AMPH: variants seen among roughly 807,000 people sequenced by gnomAD.
AMPH encodes the protein amphiphysin.
AMPH carries 49 observed loss-of-function variants against 99.1 expected under a neutral mutation model. That is an observed-to-expected ratio of 0.49 (90% CI 0.39 to 0.63). AMPH has a LOEUF of 0.63. Among genes scored for constraint, AMPH ranks in the 20% least tolerant of loss-of-function variants. The probability of loss-of-function intolerance (pLI) is 0.00; values close to 1 mark genes in which losing one functional copy is unlikely to be tolerated. For missense variants in AMPH, 759 were observed against 863.4 expected (o/e 0.88, Z 1.52); for synonymous variants, 314 against 317.3 (o/e 0.99, Z 0.11).
At chr7:38,510,831 C>T (rs1321341853) in intron 2 of AMPH, among the ~76,000 whole-genome samples, 1 of 152,160 alleles carries the variant, frequency 6.6e-6, no homozygotes, top group Non-Finnish European at 1.5e-5. Flanking sequence ...GCACCATTCT[C>T]CATGCTCTCA....
intron 1 of AMPH, among the ~76,000 whole-genome samples, chr7:38,614,477 G>A (rs561320325): frequency 5.9e-5 from 9 of 152,286 alleles, no homozygotes; most frequent in East Asian, 5.8e-4. Context: ...TATAGAACAC[G>A]CATGAGTTCT....
intron 2 of AMPH, among the ~76,000 whole-genome samples, chr7:38,505,647 A>C (rs546682132): frequency 3.2e-4 from 49 of 152,326 alleles, no homozygotes; most frequent in Non-Finnish European, 5.9e-4. Flanking sequence ...GTGTAGTAGA[A>C]AACTATTTCC....
intron 2 of AMPH, among the ~76,000 whole-genome samples, chr7:38,532,573 T>C (rs1790445618): frequency 6.6e-6 from 1 of 152,196 alleles, no homozygotes; most frequent in Non-Finnish European, 1.5e-5. Context: ...GTATTGTATA[T>C]AGTGACCAAA....
chr7:38,412,766 AAGG>A (rs1785250548), intron 17 of AMPH, among the ~76,000 whole-genome samples: 1 of 152,202 alleles, frequency 6.6e-6, no homozygotes, highest in Non-Finnish European at 1.5e-5. Context: ...AACCACATGG[AAGG>A]AGGACGCAGC....
At chr7:38,437,067 G>A (rs1261861593) in intron 11 of AMPH, among the ~76,000 whole-genome samples, 1 of 152,182 alleles carries the variant, frequency 6.6e-6, no homozygotes, top group African/African-American at 2.4e-5. Flanking sequence ...TTTTGGATTA[G>A]AAAGAAGGTA....
intron 17 of AMPH, among the ~76,000 whole-genome samples, chr7:38,398,154 C>A (rs551857456): frequency 2.7e-4 from 39 of 143,256 alleles, no homozygotes; most frequent in Non-Finnish European, 3.8e-4. Context: ...ACCATATGAT[C>A]CAGCAATCCC....
At chr7:38,542,523 A>G (rs981755845) in intron 1 of AMPH, among the ~76,000 whole-genome samples, 1 of 152,206 alleles carries the variant, frequency 6.6e-6, no homozygotes, top group Non-Finnish European at 1.5e-5. Context: ...ATCCTGCATC[A>G]GAGCTGCTGT....
At position 38,540,497 on chromosome 7, in the gene AMPH, A is replaced by G. The variant is rs568810829; in HGVS notation, c.70-5486T>C. Among the ~76,000 whole-genome samples the G allele has an allele frequency of 9.2e-5, 14 of 152,052 alleles. No individual in the cohort carries two copies. In the East Asian group the frequency reaches 9.7e-4, roughly 11 times the overall value. ...AAAAGCAGGAATATGGTAACTTGGAATATTTCATCTTAATTGCCTTCTCTT... is the reference window on the plus strand; with the variant it reads ...AAAAGCAGGAATATGGTAACTTGGAGTATTTCATCTTAATTGCCTTCTCTT... On this transcript the variant is annotated intron_variant, in intron 1 of 20. Coordinates refer to ENST00000356264, the MANE Select transcript of AMPH (RefSeq NM_001635.4).
intron 13 of AMPH, among the ~76,000 whole-genome samples, chr7:38,430,457 T>G (rs1785966788): frequency 6.6e-6 from 1 of 152,220 alleles, no homozygotes; most frequent in African/African-American, 2.4e-5. Flanking sequence ...AGCAACTATG[T>G]TCAGAAAGCT....
intron 17 of AMPH, among the ~76,000 whole-genome samples, chr7:38,409,483 G>A (rs374636629): frequency 6.6e-6 from 1 of 152,178 alleles, no homozygotes; most frequent in African/African-American, 2.4e-5. Flanking sequence ...CCTTCAGTGT[G>A]ACTGTAGGGG....
At position 38,384,876 on chromosome 7, in the gene AMPH, C is replaced by T; in HGVS notation, c.2030G>A (p.Arg677Lys). ...GAGGCCTTTGTAGGTGGCAAGGTCT[C>T]TGTACTGAAGCCAGTCTGATTCCTT... ...GVKESDWLQY[R>K]DLATYKGLFP... Residue 677 changes from arginine to lysine, a missense_variant, in exon 21 of 21, where the codon AGA (arginine) becomes AAA (lysine). By Grantham distance (26) the Arg-to-Lys change is conservative. Around this residue, in one of 2 missense-constraint regions of AMPH, gnomAD observed 554 missense variants for 575.6 expected, o/e 0.96. Transcript: ENST00000356264. The T allele has an allele frequency of 6.2e-7, 1 of 1,614,098 alleles. No individual in the cohort carries two copies. The highest frequency in any genetic ancestry group is 8.5e-7 in the Non-Finnish European group (1 of 1,179,992).
At chr7:38,427,520 G>T (rs1785825740) in intron 14 of AMPH, among the ~76,000 whole-genome samples, 1 of 152,174 alleles carries the variant, frequency 6.6e-6, no homozygotes, top group African/African-American at 2.4e-5. Context: ...AAAAGTGAAA[G>T]TAGGGAGAAT....
chr7:38,475,223 CTG>C lies in AMPH; in HGVS notation c.590+106_590+107del. The C allele has an allele frequency of 5.5e-6, 4 of 723,818 alleles. No individual in the cohort carries two copies. The South Asian group carries it at 7.6e-5, about 14-fold the overall frequency. 44.8% of individuals were successfully genotyped at this position (723,818 alleles called of 1,614,324 possible). A position where few individuals can be genotyped will look rare whatever the true frequency, so the allele number is the denominator to read the frequency against. ...AAAGCGCAGATAAAGAACACTTTCA[CTG>C]GACAGTGTTGAAATGTCACAGTAAT... On this transcript the variant is annotated intron_variant, in intron 7 of 20. Coordinates refer to ENST00000356264, the MANE Select transcript of AMPH (RefSeq NM_001635.4).
chr7:38,428,282 G>C (rs981087390), intron 14 of AMPH: 1 of 456,726 alleles, frequency 2.2e-6, no homozygotes, highest in Non-Finnish European at 4.4e-6. Context: ...TTCCCCAAGA[G>C]TCTATCTCTG....
intron 11 of AMPH, among the ~76,000 whole-genome samples, chr7:38,441,844 T>TATATATCATATATATCATATATATC (rs1554336936): frequency 0.035 from 3,419 of 97,294 alleles, 93 homozygotes; most frequent in Non-Finnish European, 0.047. Context: ...TCATATATCA[T>TATATATCATATATATCATATATATC]ATATATCATA....
At chr7:38,398,708 A>T (rs1240936806) in intron 17 of AMPH, among the ~76,000 whole-genome samples, 1 of 152,210 alleles carries the variant, frequency 6.6e-6, no homozygotes. Flanking sequence ...ATTATAATGC[A>T]AAAAAAGGAT....
rs1156673944 is a variant in AMPH at position 38,408,004 on chromosome 7, A to G, written c.1398+9821T>C. The stretch of plus-strand genomic sequence containing the variant: ...GTATCTCAGGTGGTTTACATTTATT[A>G]CACATTATTCTTCCAACAACCCTAT... On this transcript the variant is annotated intron_variant, in intron 17 of 20. Coordinates refer to ENST00000356264, the MANE Select transcript of AMPH (RefSeq NM_001635.4). 5.9e-5 allele frequency among the ~76,000 whole-genome samples: 9 copies of G among 152,218 alleles called. No individual in the cohort carries two copies. In the East Asian group the frequency reaches 9.6e-4, roughly 16 times the overall value.
At chr7:38,509,428 A>C (rs992790497) in intron 2 of AMPH, among the ~76,000 whole-genome samples, 1 of 152,158 alleles carries the variant, frequency 6.6e-6, no homozygotes, top group Non-Finnish European at 1.5e-5. Flanking sequence ...CAACAAAACA[A>C]AGTTAGAAAT....
chr7:38,419,144 G>C (rs1395356931), intron 16 of AMPH, among the ~76,000 whole-genome samples: 2 of 152,014 alleles, frequency 1.3e-5, no homozygotes, highest in Non-Finnish European at 2.9e-5. Flanking sequence ...GCTGTGATTG[G>C]AGAAATCAGT....
Sources: allele counts gnomAD v4.1 joint callset (sites outside exome capture counted in the v4.1 genomes callset), GRCh38; gene constraint gnomAD v4.1.1; regional missense constraint gnomAD v4.1.1; transcripts MANE v1.5; gene names NCBI Gene and HGNC (gene_info 2026-07-23, HGNC 2026-07-21).